BBX: variants seen among roughly 807,000 people sequenced by gnomAD.
The protein encoded by BBX is BBX high mobility group box domain containing, also known as HMG box transcription factor BBX.
In BBX, 30 loss-of-function variants were observed where a neutral mutation model predicts 100.2. The observed-to-expected ratio is 0.30, with a 90% CI of 0.22 to 0.41. The LOEUF (loss-of-function observed/expected upper bound fraction) is 0.41. Among genes scored for constraint, BBX ranks in the 10% least tolerant of loss-of-function variants. The pLI is 1.00. For missense variants in BBX, 1,023 were observed against 1,129.8 expected (o/e 0.91, Z 1.35); for synonymous variants, 376 against 388.1 (o/e 0.97, Z 0.37).
In BBX at chr3:107,692,442, G is replaced by A. The variant is rs545024778; in HGVS notation, c.-9-18010G>A. Among the ~76,000 whole-genome samples the A allele has an allele frequency of 6.4e-4, 97 of 151,806 alleles. 3 individuals carry two copies. In the South Asian group the frequency reaches 0.018, roughly 29 times the overall value. ...TTCCCACCTATGAGTGAGAACATGCGGTGTTTGGTTTTTGTCCTTGCAATA... is the reference window on the plus strand; with the variant it reads ...TTCCCACCTATGAGTGAGAACATGCAGTGTTTGGTTTTTGTCCTTGCAATA... On this transcript the variant is annotated intron_variant, in intron 3 of 17. Transcript: ENST00000325805.
At chr3:107,742,035 T>A (rs949917718) in intron 7 of BBX, among the ~76,000 whole-genome samples, 1 of 152,222 alleles carries the variant, frequency 6.6e-6, no homozygotes, top group African/African-American at 2.4e-5. Flanking sequence ...AGAAGAAATA[T>A]GTCTAACCTG....
At position 107,748,683 on chromosome 3, in the gene BBX, A is replaced by G. The variant is rs141351167; in HGVS notation, c.825+644A>G. 1.1e-3 allele frequency among the ~76,000 whole-genome samples: 167 copies of G among 152,272 alleles called. 2 individuals carry two copies. Among genetic ancestry groups the G allele is most frequent in the East Asian group, 6.4e-3 (33 of 5,176 alleles). ...GAGCCCTGGCCTCAACCATATGCTC[A>G]TTTCTAATGAGCACTATATGACAAA... On this transcript the variant is annotated intron_variant, in intron 9 of 17. Transcript: ENST00000325805.
intron 3 of BBX, among the ~76,000 whole-genome samples, chr3:107,666,795 C>A (rs1359617064): frequency 6.6e-6 from 1 of 152,206 alleles, no homozygotes; most frequent in South Asian, 2.1e-4. Flanking sequence ...TGGTCTCAAT[C>A]TCTTGACCTC....
At chr3:107,718,080 A>G (rs1448177569) in intron 5 of BBX, among the ~76,000 whole-genome samples, 4 of 151,586 alleles carry the variant, frequency 2.6e-5, no homozygotes, top group Admixed American at 2.0e-4. Context: ...AAATTTAAAA[A>G]AATACCACGT....
intron 2 of BBX, among the ~76,000 whole-genome samples, chr3:107,564,987 G>A (rs1445143769): frequency 6.6e-6 from 1 of 152,064 alleles, no homozygotes; most frequent in Non-Finnish European, 1.5e-5. Flanking sequence ...ATTTATTCAA[G>A]CTTTTTCTTC....
chr3:107,773,483 C>T lies in BBX; in HGVS notation c.1762C>T (p.Leu588=). The change falls in exon 11 of 18, where the codon CTA becomes TTA. Residue 588 remains leucine (L), a synonymous_variant. Coordinates refer to ENST00000325805, the MANE Select transcript of BBX (RefSeq NM_001142568.3). The surrounding 1 kb of genome is among the most constrained non-coding windows in gnomAD (Gnocchi z 4.1). ...TPMEDALPPS[L]SGQAKPEDSD... Reference sequence around the variant, plus strand: ...TATGGAAGATGCACTACCACCCAGCCTATCAGGACAGGCCAAGCCTGAGGA... The same window carrying T: ...TATGGAAGATGCACTACCACCCAGCTTATCAGGACAGGCCAAGCCTGAGGA... 6.2e-7 allele frequency: 1 copy of T among 1,614,088 alleles called. No individual in the cohort carries two copies. Among genetic ancestry groups the T allele is most frequent in the Non-Finnish European group, 8.5e-7 (1 of 1,179,982 alleles).
chr3:107,703,301 C>T (rs1484809905), intron 3 of BBX, among the ~76,000 whole-genome samples: 2 of 152,124 alleles, frequency 1.3e-5, no homozygotes, highest in Non-Finnish European at 2.9e-5. Context: ...GGAACATAGT[C>T]CTAGCTTGCT....
chr3:107,618,239 A>C (rs1054110744), intron 2 of BBX, among the ~76,000 whole-genome samples: 3 of 151,876 alleles, frequency 2.0e-5, no homozygotes, highest in Non-Finnish European at 4.4e-5. Flanking sequence ...TACGTTGTAT[A>C]ATTTCTTTTA....
chr3:107,542,027 G>A (rs147359630), intron 2 of BBX, among the ~76,000 whole-genome samples: 71 of 152,164 alleles, frequency 4.7e-4, no homozygotes, highest in Non-Finnish European at 6.8e-4. Context: ...TTGGCACTCC[G>A]TAGTAAAGGA....
intron 7 of BBX, among the ~76,000 whole-genome samples, chr3:107,734,088 C>G (rs1226043993): frequency 3.9e-5 from 6 of 152,028 alleles, no homozygotes; most frequent in African/African-American, 1.4e-4. Flanking sequence ...ATATTTTTTA[C>G]TTTTTGTTTT....
At chr3:107,606,962 T>G (rs2107640723) in intron 2 of BBX, among the ~76,000 whole-genome samples, 1 of 152,326 alleles carries the variant, frequency 6.6e-6, no homozygotes, top group Non-Finnish European at 1.5e-5. Context: ...CATTCTACTC[T>G]CTATCTCCAA....
intron 5 of BBX, among the ~76,000 whole-genome samples, chr3:107,719,271 C>G (rs1164417398): frequency 6.6e-6 from 1 of 151,990 alleles, no homozygotes; most frequent in African/African-American, 2.4e-5. Context: ...AAGACAGATT[C>G]TTTCAGCATA....
At chr3:107,769,488 C>T (rs1056135379) in intron 10 of BBX, among the ~76,000 whole-genome samples, 2 of 152,028 alleles carry the variant, frequency 1.3e-5, no homozygotes, top group Non-Finnish European at 2.9e-5. Flanking sequence ...GGTCATGAGC[C>T]CAGCCCCTTT....
At chr3:107,679,694 A>G (rs2107981716) in intron 3 of BBX, among the ~76,000 whole-genome samples, 1 of 152,264 alleles carries the variant, frequency 6.6e-6, no homozygotes, top group African/African-American at 2.4e-5. Context: ...AACATGAACA[A>G]ACAGAACCAG....
At chr3:107,747,917 A>G (rs1380744108) in intron 8 of BBX, 48 bp from the exon 9 acceptor site, 4 of 1,478,190 alleles carry the variant, frequency 2.7e-6, no homozygotes, top group Non-Finnish European at 2.8e-6. Context: ...TTATGATCTG[A>G]TGTGGAAAAA....
chr3:107,668,032 A>G (rs1392478581), intron 3 of BBX, among the ~76,000 whole-genome samples: 1 of 152,212 alleles, frequency 6.6e-6, no homozygotes. Flanking sequence ...AGGTTTTATT[A>G]AATTTGAAAA....
At chr3:107,682,221 G>T (rs2059608072) in intron 3 of BBX, among the ~76,000 whole-genome samples, 1 of 152,056 alleles carries the variant, frequency 6.6e-6, no homozygotes, top group Admixed American at 6.6e-5. Flanking sequence ...TTTTCTTATG[G>T]AAAGAACATT....
At chr3:107,705,438 A>G (rs1015585655) in intron 3 of BBX, among the ~76,000 whole-genome samples, 1 of 152,360 alleles carries the variant, frequency 6.6e-6, no homozygotes, top group East Asian at 1.9e-4. Flanking sequence ...GTAAGACAAG[A>G]CAATAGATGA....
intron 3 of BBX, among the ~76,000 whole-genome samples, chr3:107,671,557 G>C (rs542476039): frequency 6.6e-6 from 1 of 152,186 alleles, no homozygotes; most frequent in African/African-American, 2.4e-5. Context: ...ATTATTTGGT[G>C]AAATTAAGTG....
Sources: gnomAD v4.1 joint callset for allele counts (sites outside exome capture counted in the v4.1 genomes callset) on GRCh38, gnomAD v4.1.1 for gene constraint, Gnocchi (gnomAD v3.1) non-coding constraint, MANE v1.5 for transcripts, NCBI Gene and HGNC (gene_info 2026-07-23, HGNC 2026-07-21) for gene names.